DNAH9: variants seen among roughly 807,000 people sequenced by gnomAD.
DNAH9 encodes dynein axonemal heavy chain 9.
Under a neutral mutation model 471.6 loss-of-function variants are expected in DNAH9, and 345 were observed. The ratio of observed to expected loss-of-function variants is 0.73; its 90% CI spans 0.67 to 0.80. The LOEUF is 0.80. Ranked by LOEUF, DNAH9 falls within the 30% of genes least tolerant of loss-of-function variation. The pLI, the probability that DNAH9 is intolerant of heterozygous loss-of-function variation, is 0.00. For synonymous variants in DNAH9, 2,093 were observed against 2,123.6 expected (o/e 0.99, Z 0.40); for missense variants, 5,407 against 5,609.2 (o/e 0.96, Z 1.15).
intron 67 of DNAH9, among the ~76,000 whole-genome samples, chr17:11,948,858 G>A (rs1429608331): frequency 6.6e-6 from 1 of 152,196 alleles, no homozygotes; most frequent in Non-Finnish European, 1.5e-5. Flanking sequence ...CTCAGGACAG[G>A]CTACAGCATG....
Position 11,784,455 on chromosome 17 carries a change from C to T in DNAH9, c.7977C>T (p.His2659=). 2 of 1,614,196 alleles carry T rather than the reference C, an allele frequency of 1.2e-6. No homozygotes were observed. Among genetic ancestry groups the T allele is most frequent in the African/African-American group, 1.3e-5 (1 of 75,062 alleles). The change falls in exon 41 of 69, where the codon CAC becomes CAT. Residue 2659 remains histidine (H), a synonymous_variant. Coordinates refer to ENST00000262442, the MANE Select transcript of DNAH9 (RefSeq NM_001372.4). The part of the protein sequence containing the change: ...PPLIDLALAF[H]QKIATTFLPT... ...TGATCGATCTGGCCCTCGCCTTCCA[C>T]CAGAAAATTGCTACCACCTTCCTAC... is the stretch of plus-strand genomic sequence containing the variant.
chr17:11,889,310 G>A (rs956943632), intron 57 of DNAH9, among the ~76,000 whole-genome samples: 1 of 152,218 alleles, frequency 6.6e-6, no homozygotes, highest in East Asian at 1.9e-4. Context: ...AGGGCCTATT[G>A]TCCTGTTTTC....
At position 11,617,642 on chromosome 17, in the gene DNAH9, C is replaced by T. The variant is rs565544220; in HGVS notation, c.1116+20C>T. On this transcript the variant is annotated intron_variant, in intron 5 of 68. Coordinates refer to ENST00000262442, the MANE Select transcript of DNAH9 (RefSeq NM_001372.4). The stretch of plus-strand genomic sequence containing the variant: ...CAGCAGGTGGGCTGCCCTGGGATGC[C>T]CAGCAACTGCTCCCTGGGGGCTGGT... 1 of 1,582,496 alleles carries T rather than the reference C, an allele frequency of 6.3e-7. No homozygotes were observed. The highest frequency in any genetic ancestry group is 1.7e-5 in the Admixed American group (1 of 59,972).
At chr17:11,749,961 T>C (rs1023634407) in intron 32 of DNAH9, among the ~76,000 whole-genome samples, 3 of 152,188 alleles carry the variant, frequency 2.0e-5, no homozygotes, top group Non-Finnish European at 4.4e-5. Context: ...TCTCAAGCAC[T>C]TCTTTTTTCA....
intron 49 of DNAH9, chr17:11,853,348 A>G (rs966156465): frequency 3.9e-5 from 6 of 152,472 alleles, no homozygotes; most frequent in African/African-American, 1.4e-4. Flanking sequence ...CCCCCAATTT[A>G]CAGATGAAGG....
chr17:11,895,677 C>T (rs1973196419), intron 59 of DNAH9, among the ~76,000 whole-genome samples: 1 of 152,178 alleles, frequency 6.6e-6, no homozygotes, highest in South Asian at 2.1e-4. Context: ...TCTATAACCA[C>T]AACAACATCT....
At chr17:11,603,511 A>G (rs1597608149) in intron 1 of DNAH9, among the ~76,000 whole-genome samples, 1 of 152,144 alleles carries the variant, frequency 6.6e-6, no homozygotes, top group Non-Finnish European at 1.5e-5. Flanking sequence ...CTGCCCTCTG[A>G]TGCCAACCCT....
chr17:11,770,150 G>A (rs1968144158), intron 38 of DNAH9, among the ~76,000 whole-genome samples: 1 of 152,212 alleles, frequency 6.6e-6, no homozygotes, highest in South Asian at 2.1e-4. Flanking sequence ...AGCTGGATAA[G>A]TTAGGAGCCA....
chr17:11,703,032 G>T (rs899689491), intron 24 of DNAH9, among the ~76,000 whole-genome samples: 9 of 151,202 alleles, frequency 6.0e-5, no homozygotes, highest in African/African-American at 1.9e-4. Context: ...GGCGGAGCTT[G>T]CAGTAAGCTG....
chr17:11,909,919 T>C (rs1002260724), intron 61 of DNAH9, among the ~76,000 whole-genome samples: 1 of 152,116 alleles, frequency 6.6e-6, no homozygotes, highest in Non-Finnish European at 1.5e-5. Flanking sequence ...CTCACCACCT[T>C]CCCAGGCCTA....
intron 44 of DNAH9, among the ~76,000 whole-genome samples, 185 bp from the exon 45 acceptor site, chr17:11,810,061 T>G (rs1006879716): frequency 6.6e-6 from 1 of 152,132 alleles, no homozygotes; most frequent in African/African-American, 2.4e-5. Flanking sequence ...CACCAAAGCC[T>G]GGGAATGAGG....
intron 58 of DNAH9, among the ~76,000 whole-genome samples, chr17:11,893,486 C>T (rs1973126003): frequency 6.6e-6 from 1 of 152,068 alleles, no homozygotes; most frequent in African/African-American, 2.4e-5. Context: ...CAATGGTAGA[C>T]TGGATAAAGA....
At chr17:11,748,612 GC>G (rs1429060167) in intron 32 of DNAH9, among the ~76,000 whole-genome samples, 3 of 152,252 alleles carry the variant, frequency 2.0e-5, no homozygotes, top group Non-Finnish European at 2.9e-5. Context: ...TCTCAAGAGG[GC>G]CCCTAGAGCC....
Position 11,905,716 on chromosome 17 carries a change from T to C in DNAH9, c.11656T>C (p.Phe3886Leu), listed in dbSNP as rs971897965. ...SKYVVGRALD[F>L]ATSFEESGPA... is the part of the protein sequence containing the mutation. Reference sequence around the variant, plus strand: ...ATACGTGGTGGGAAGAGCCCTAGATTTTGCAACCTCATTTGAAGAATCGGG... The same window carrying C: ...ATACGTGGTGGGAAGAGCCCTAGATCTTGCAACCTCATTTGAAGAATCGGG... Residue 3886 changes from phenylalanine to leucine, a missense_variant, in exon 61 of 69, where the codon TTT becomes CTT. Transcript: ENST00000262442. 2.5e-6 allele frequency: 4 copies of C among 1,614,018 alleles called. No individual in the cohort carries two copies. In the African/African-American group the frequency reaches 5.3e-5, roughly 22 times the overall value.
At chr17:11,871,036 A>G (rs1260075736) in intron 51 of DNAH9, among the ~76,000 whole-genome samples, 1 of 152,162 alleles carries the variant, frequency 6.6e-6, no homozygotes, top group Non-Finnish European at 1.5e-5. Flanking sequence ...TGTAGAAAGA[A>G]TGGCTCTCCT....
intron 19 of DNAH9, among the ~76,000 whole-genome samples, chr17:11,685,890 C>T (rs1015127817): frequency 2.6e-5 from 4 of 150,960 alleles, no homozygotes; most frequent in Admixed American, 6.6e-5. Flanking sequence ...CTGCAATCTC[C>T]GTCTCCCGGG....
At chr17:11,964,140 C>T (rs1458783535) in intron 68 of DNAH9, among the ~76,000 whole-genome samples, 1 of 152,160 alleles carries the variant, frequency 6.6e-6, no homozygotes, top group African/African-American at 2.4e-5. Flanking sequence ...ACAGAAAGGA[C>T]AGTAAAGTAG....
chr17:11,656,368 A>G (rs759550849), intron 14 of DNAH9, among the ~76,000 whole-genome samples: 51 of 152,058 alleles, frequency 3.4e-4, no homozygotes, highest in Non-Finnish European at 6.6e-4. Flanking sequence ...TCTTCTTTTG[A>G]GAATTGTCTA....
intron 43 of DNAH9, among the ~76,000 whole-genome samples, chr17:11,807,416 G>C (rs1256605060): frequency 1.3e-5 from 2 of 152,128 alleles, no homozygotes; most frequent in African/African-American, 2.4e-5. Flanking sequence ...GTTATGGTGC[G>C]GAGAAGAGCA....
Sources: allele counts gnomAD v4.1 joint callset (sites outside exome capture counted in the v4.1 genomes callset), GRCh38; gene constraint gnomAD v4.1.1; transcripts MANE v1.5; gene names NCBI Gene and HGNC (gene_info 2026-07-23, HGNC 2026-07-21).